TBC1D1: variants seen among roughly 807,000 people sequenced by gnomAD.
TBC1D1 encodes TBC1 domain family member 1.
In TBC1D1, 89 loss-of-function variants were observed where a neutral mutation model predicts 125.6. The ratio of observed to expected loss-of-function variants is 0.71; its 90% confidence interval spans 0.60 to 0.85. The LOEUF is 0.85. Ranked by LOEUF, TBC1D1 falls within the 40% of genes least tolerant of loss-of-function variation. The probability of loss-of-function intolerance (pLI) is 0.00; values close to 1 mark genes in which losing one functional copy is unlikely to be tolerated. For synonymous variants in TBC1D1, 565 were observed against 564.1 expected (o/e 1.00, Z -0.02); for missense variants, 1,377 against 1,469.2 (o/e 0.94, Z 1.03).
At chr4:37,922,125 A>T (rs1721136895) in intron 2 of TBC1D1, among the ~76,000 whole-genome samples, 1 of 152,198 alleles carries the variant, frequency 6.6e-6, no homozygotes, top group Non-Finnish European at 1.5e-5. Flanking sequence ...CTGACATTAA[A>T]AATAATAACC....
chr4:37,985,677 A>C (rs1735297878), intron 2 of TBC1D1, among the ~76,000 whole-genome samples: 1 of 152,244 alleles, frequency 6.6e-6, no homozygotes, highest in Non-Finnish European at 1.5e-5. Flanking sequence ...ACCATTTAAA[A>C]CATGGTCGAA....
intron 19 of TBC1D1, among the ~76,000 whole-genome samples, chr4:38,136,685 C>T (rs777389918): frequency 5.9e-5 from 9 of 152,172 alleles, no homozygotes; most frequent in African/African-American, 7.2e-5. Flanking sequence ...TATATGTGCT[C>T]ATCAAAACAG....
chr4:37,922,876 G>A (rs1721307170), intron 2 of TBC1D1, among the ~76,000 whole-genome samples: 2 of 152,096 alleles, frequency 1.3e-5, no homozygotes, highest in Non-Finnish European at 2.9e-5. Context: ...TCTCTCACAG[G>A]GGACCCTATG....
intron 2 of TBC1D1, among the ~76,000 whole-genome samples, chr4:37,944,098 C>G (rs1474601930): frequency 2.0e-5 from 3 of 152,178 alleles, no homozygotes; most frequent in African/African-American, 7.2e-5. Context: ...GCTGGAGGTC[C>G]ACTCCAGACC....
intron 2 of TBC1D1, among the ~76,000 whole-genome samples, chr4:37,920,103 A>C (rs1415197985): frequency 6.6e-6 from 1 of 152,076 alleles, no homozygotes; most frequent in African/African-American, 2.4e-5. Flanking sequence ...AAAGAGTGAG[A>C]CTCCGTCTCA....
chr4:38,000,534 C>A (rs1477751036), intron 2 of TBC1D1, among the ~76,000 whole-genome samples: 1 of 152,106 alleles, frequency 6.6e-6, no homozygotes, highest in African/African-American at 2.4e-5. Flanking sequence ...AATTTTGGAG[C>A]ATTTAGATTT....
chr4:38,060,446 T>C (rs1287867810), intron 12 of TBC1D1, among the ~76,000 whole-genome samples: 2 of 152,238 alleles, frequency 1.3e-5, no homozygotes, highest in African/African-American at 4.8e-5. Flanking sequence ...TATCTCCTTG[T>C]GGTTTTGATT....
At chr4:38,094,430 T>G (rs1436219214) in intron 13 of TBC1D1, among the ~76,000 whole-genome samples, 2 of 152,288 alleles carry the variant, frequency 1.3e-5, no homozygotes, top group East Asian at 3.9e-4. Flanking sequence ...CATGGGTGTG[T>G]GGGGGTCTTA....
At chr4:38,068,106 C>T (rs1479172850) in intron 12 of TBC1D1, among the ~76,000 whole-genome samples, 1 of 152,138 alleles carries the variant, frequency 6.6e-6, no homozygotes, top group Non-Finnish European at 1.5e-5. Flanking sequence ...GATTCCTTCG[C>T]CTTTGGCTTC....
chr4:38,015,201 T>G (rs16994148), intron 3 of TBC1D1, among the ~76,000 whole-genome samples: 8,871 of 152,238 alleles, frequency 0.058, 296 homozygotes, highest in East Asian at 0.15. Context: ...TCTCACCCGG[T>G]AATTATAAAG....
At chr4:37,902,563 T>C (rs1388308080) in intron 2 of TBC1D1, 51 bp downstream of exon 2, 2 of 1,405,494 alleles carry the variant, frequency 1.4e-6, no homozygotes, top group South Asian at 1.3e-5. Context: ...CTGGTTTTTA[T>C]TGTATGGGGG....
chr4:38,027,962 C>A, intron 7 of TBC1D1, 83 bp downstream of exon 7: 2 of 1,008,788 alleles, frequency 2.0e-6, no homozygotes, highest in Non-Finnish European at 1.5e-6. Context: ...AAATAGCAAA[C>A]CAGTGTTGTC....
intron 2 of TBC1D1, among the ~76,000 whole-genome samples, chr4:37,986,159 AT>A (rs1297924937): frequency 6.6e-6 from 1 of 152,152 alleles, no homozygotes; most frequent in Non-Finnish European, 1.5e-5. Flanking sequence ...TTCTAGTAGG[AT>A]TTAGTAATGT....
chr4:38,134,794 TC>T (rs1766199961), intron 19 of TBC1D1, among the ~76,000 whole-genome samples: 1 of 152,234 alleles, frequency 6.6e-6, no homozygotes, highest in South Asian at 2.1e-4. Flanking sequence ...CCTACATTCC[TC>T]AATAAAGGCA....
intron 8 of TBC1D1, among the ~76,000 whole-genome samples, chr4:38,036,996 C>T (rs1747340052): frequency 6.6e-6 from 1 of 152,184 alleles, no homozygotes. Context: ...CTCCCTTTTT[C>T]CCCTCTTGTG....
intron 6 of TBC1D1, among the ~76,000 whole-genome samples, chr4:38,023,582 T>G (rs887263016): frequency 1.3e-5 from 2 of 152,250 alleles, no homozygotes; most frequent in African/African-American, 4.8e-5. Context: ...TTCTTGTTTC[T>G]GGTTTATTTC....
intron 2 of TBC1D1, among the ~76,000 whole-genome samples, chr4:37,938,492 T>C (rs2152300577): frequency 6.6e-6 from 1 of 152,302 alleles, no homozygotes; most frequent in Middle Eastern, 3.4e-3. Context: ...AGAATGGTTG[T>C]TCAAATAAGC....
chr4:37,899,027 G>A (rs1047495402), intron 1 of TBC1D1, among the ~76,000 whole-genome samples: 1 of 152,136 alleles, frequency 6.6e-6, no homozygotes, highest in Admixed American at 6.6e-5. Flanking sequence ...AGATTGTATG[G>A]GGGAATTATT....
In TBC1D1 at chr4:38,130,315, A is replaced by G. The variant is rs116960815; in HGVS notation, c.3133-2769A>G. ...GGAAATAGGAAATATAGCTAGATATAAAAGTTGTATTTGGTGATTTTTCTT... is the reference window on the plus strand; with the variant it reads ...GGAAATAGGAAATATAGCTAGATATGAAAGTTGTATTTGGTGATTTTTCTT... On this transcript the variant is annotated intron_variant, in intron 18 of 19. Coordinates refer to ENST00000261439, the MANE Select transcript of TBC1D1 (RefSeq NM_015173.4). Among the ~76,000 whole-genome samples the G allele has an allele frequency of 1.9e-4, 29 of 152,374 alleles. 1 individual carries two copies. The East Asian group carries it at 5.6e-3, about 29-fold the overall frequency.
Sources: allele counts gnomAD v4.1 joint callset (sites outside exome capture counted in the v4.1 genomes callset), GRCh38; gene constraint gnomAD v4.1.1; transcripts MANE v1.5; gene names NCBI Gene and HGNC (gene_info 2026-07-23, HGNC 2026-07-21).